The following ALKAL2 variants were observed in gnomAD, a reference collection of about 807,000 sequenced individuals.
The protein encoded by ALKAL2 is AUG-alpha.
ALKAL2 carries 8 observed loss-of-function variants against 18.5 expected under a neutral mutation model. The ratio of observed to expected loss-of-function variants is 0.43; its 90% CI spans 0.25 to 0.78. The LOEUF (loss-of-function observed/expected upper bound fraction) is 0.78, where lower values mean the gene tolerates loss of function less well. Ranked by LOEUF, ALKAL2 falls within the 30% of genes least tolerant of loss-of-function variation. The probability of loss-of-function intolerance (pLI) is 0.22; values close to 1 mark genes in which losing one functional copy is unlikely to be tolerated. For missense variants in ALKAL2, 241 were observed against 211.2 expected, an observed-to-expected ratio of 1.14 and a Z score of -0.88; for synonymous variants, 135 against 95.8, an observed-to-expected ratio of 1.41 and a Z score of -2.39.
chr2:285,972 G>T, intron 4 of ALKAL2, 151 bp downstream of exon 4: 2 of 628,504 alleles, frequency 3.2e-6, no homozygotes. Flanking sequence ...CTTCTGCAAT[G>T]GTCTGGCGAT....
At chr2:287,336 G>A (rs1018890349) in intron 2 of ALKAL2, 1 of 380,520 alleles carries the variant, frequency 2.6e-6, no homozygotes, top group Non-Finnish European at 4.6e-6. Context: ...ACGGTTGACA[G>A]TTTAGTGTGG....
In ALKAL2 at chr2:286,272, A is replaced by C; in HGVS notation, c.307+18T>G. On this transcript the variant is annotated intron_variant, in intron 3 of 5. Coordinates refer to ENST00000403610, the MANE Select transcript of ALKAL2 (RefSeq NM_001002919.3). ...AAAAGGAGCTCTGGGAGACGTGAGG[A>C]ACGAGGAGAAAACTTACCTGTAAGG... 1 of 1,611,800 alleles carries C rather than the reference A, an allele frequency of 6.2e-7. No homozygotes were observed. Among genetic ancestry groups the C allele is most frequent in the Non-Finnish European group, 8.5e-7 (1 of 1,178,612 alleles).
rs1670282223 is a variant in ALKAL2 at position 279,942 on chromosome 2, A to T, written c.*205T>A. On this transcript the variant is annotated 3_prime_UTR_variant, in exon 6 of 6. Transcript: ENST00000403610. ...TGTTTTTTTTTTAAATAAGTGACAG[A>T]TAACACTGTCAAGTACACTGATTTA... The T allele has an allele frequency of 1.8e-6, 1 of 543,014 alleles. No individual in the cohort carries two copies. The highest frequency in any genetic ancestry group is 1.9e-5 in the African/African-American group (1 of 53,866). The allele number at this position is 543,014 out of a possible 1,614,324, so 33.6% of individuals were successfully genotyped here.
chr2:286,381 G>T, intron 2 of ALKAL2, 38 bp from the exon 3 acceptor site: 1 of 1,495,150 alleles, frequency 6.7e-7, no homozygotes, highest in Non-Finnish European at 9.2e-7. Context: ...TTACCTGAAG[G>T]ACGCATTTTT....
chr2:287,643 C>G lies in ALKAL2; in HGVS notation c.193G>C (p.Asp65His). Residue 65 changes from aspartate to histidine, a missense_variant, in exon 2 of 6, where the codon GAC becomes CAC. Coordinates refer to ENST00000403610, the MANE Select transcript of ALKAL2 (RefSeq NM_001002919.3). ...EHKGLQLLGR[D>H]CALGRAEAAG... ...GCCTCCGCGCGGCCCAGGGCGCAGT[C>G]CCGCCCGAGGAGCTGCAGGCCCTTG... 2.7e-6 allele frequency: 4 copies of G among 1,482,120 alleles called. No individual in the cohort carries two copies. Among genetic ancestry groups the G allele is most frequent in the East Asian group, 2.9e-5 (1 of 34,038 alleles). 91.8% of individuals were successfully genotyped at this position (1,482,120 alleles called of 1,614,324 possible).
chr2:281,067 T>C (rs1670324698), intron 5 of ALKAL2, among the ~76,000 whole-genome samples: 1 of 152,220 alleles, frequency 6.6e-6, no homozygotes, highest in Non-Finnish European at 1.5e-5. Context: ...CCCTCTGGTG[T>C]CTCACTGAGG....
intron 5 of ALKAL2, among the ~76,000 whole-genome samples, chr2:280,752 T>C (rs963553611): frequency 6.6e-6 from 1 of 152,292 alleles, no homozygotes; most frequent in Non-Finnish European, 1.5e-5. Context: ...CTGTGACTGT[T>C]AGGGAGGGTT....
At chr2:287,967 G>A in intron 1 of ALKAL2, 46 bp downstream of exon 1, 1 of 1,230,786 alleles carries the variant, frequency 8.1e-7, no homozygotes, top group Non-Finnish European at 1.0e-6. Flanking sequence ...GCGGGGGAGG[G>A]GAGGGGAGGC....
intron 5 of ALKAL2, among the ~76,000 whole-genome samples, chr2:282,055 C>T (rs1670371426): frequency 6.6e-6 from 1 of 152,198 alleles, no homozygotes; most frequent in African/African-American, 2.4e-5. Flanking sequence ...CGCCATTACC[C>T]ACTGGCCTCC....
chr2:286,097 T>G (rs763837209), intron 4 of ALKAL2, 26 bp downstream of exon 4: 1 of 1,597,516 alleles, frequency 6.3e-7, no homozygotes, highest in South Asian at 1.1e-5. Flanking sequence ...TCTTGCATTT[T>G]ATAAAAATCC....
rs368472956 is a variant in ALKAL2 at position 280,140 on chromosome 2, G to A, written c.*7C>T. On this transcript the variant is annotated 3_prime_UTR_variant, in exon 6 of 6. Transcript: ENST00000403610. ...GGCTCCTGGTGTGCTGCTCCTGTAC[G>A]GTCTGCTCACTGCTGAAAACAAATA... is the stretch of plus-strand genomic sequence containing the variant. 332 of 1,613,852 alleles carry A rather than the reference G, an allele frequency of 2.1e-4. No homozygotes were observed. The highest frequency in any genetic ancestry group is 2.7e-4 in the Admixed American group (16 of 60,014).
At position 287,750 on chromosome 2, in the gene ALKAL2, C is replaced by G. The variant is rs907800239; in HGVS notation, c.86G>C (p.Arg29Pro). The G allele has an allele frequency of 2.8e-6, 4 of 1,449,056 alleles. No homozygotes were observed. Among genetic ancestry groups the G allele is most frequent in the Non-Finnish European group, 3.6e-6 (4 of 1,104,754 alleles). The allele number at this position is 1,449,056 out of a possible 1,614,324, so 89.8% of individuals were successfully genotyped here. A position where few individuals can be genotyped will look rare whatever the true frequency, so the allele number is the denominator to read the frequency against. Residue 29 changes from arginine (R) to proline (P), a missense_variant, in exon 2 of 6, where the codon CGG (arginine) becomes CCG (proline). Transcript: ENST00000403610. The part of the protein sequence containing the change: ...AGRGRGGAEP[R>P]EPADGQALLR... ...CAGCGCCTGTCCGTCCGCCGGCTCC[C>G]GGGGCTCCGCGCCCCCCCGGCCGCG...
intron 2 of ALKAL2, chr2:286,756 C>G (rs60843830): frequency 0.3 from 48,696 of 159,928 alleles, 7,667 homozygotes; most frequent in Non-Finnish European, 0.34. Flanking sequence ...AAAACCTGAC[C>G]CTTCAAACAA....
intron 5 of ALKAL2, among the ~76,000 whole-genome samples, chr2:281,562 C>T (rs550340361): frequency 6.6e-6 from 1 of 152,174 alleles, no homozygotes; most frequent in African/African-American, 2.4e-5. Flanking sequence ...CATACAGGAG[C>T]CTGAGTCCCA....
chr2:287,172 T>C (rs1235121736), intron 2 of ALKAL2: 1 of 161,114 alleles, frequency 6.2e-6, no homozygotes, highest in African/African-American at 2.4e-5. Context: ...CCTTATCATG[T>C]TTGACCTGAT....
rs578027910 is a variant in ALKAL2, at chr2:285,005, T to G, written c.388+1118A>C. Among the ~76,000 whole-genome samples, 50 of 152,256 alleles carry G rather than the reference T, an allele frequency of 3.3e-4. 2 individuals are homozygous for G. In the South Asian group the frequency reaches 9.8e-3, roughly 30 times the overall value. ...CCCAGCACCAAGAATATAAAAACTC[T>G]TCAGGAAGTGTGTGCTGCTGGCCTT... On this transcript the variant is annotated intron_variant, in intron 4 of 5. Coordinates refer to ENST00000403610, the MANE Select transcript of ALKAL2 (RefSeq NM_001002919.3).
intron 5 of ALKAL2, 58 bp from the exon 6 acceptor site, chr2:280,210 AG>A: frequency 6.2e-7 from 1 of 1,602,524 alleles, no homozygotes; most frequent in African/African-American, 1.3e-5. Context: ...TGTCAATTCC[AG>A]AAGACCTGTC....
intron 4 of ALKAL2, chr2:283,639 G>T: frequency 1.0e-6 from 1 of 973,362 alleles, no homozygotes; most frequent in South Asian, 4.8e-5. Flanking sequence ...CAGAGGCCTG[G>T]AGTGGATGGC....
intron 4 of ALKAL2, among the ~76,000 whole-genome samples, chr2:285,087 G>C (rs957669107): frequency 6.6e-6 from 1 of 152,194 alleles, no homozygotes; most frequent in Non-Finnish European, 1.5e-5. Flanking sequence ...TGCGTTCCAT[G>C]CATCTTTGTG....
Sources: allele counts gnomAD v4.1 joint callset (sites outside exome capture counted in the v4.1 genomes callset), GRCh38; gene constraint gnomAD v4.1.1; transcripts MANE v1.5; gene names NCBI Gene and HGNC (gene_info 2026-07-23, HGNC 2026-07-21).